The following CFH variants were observed in gnomAD, a reference collection of about 807,000 sequenced individuals.
CFH encodes the protein H factor 1 (complement).
In CFH, 53 loss-of-function variants were observed where a neutral mutation model predicts 147.3. That is an observed-to-expected ratio of 0.36 (90% confidence interval 0.29 to 0.45). CFH has a LOEUF of 0.45. Ranked by LOEUF, CFH falls within the 20% of genes least tolerant of loss-of-function variation. CFH has a pLI of 1.00. For missense variants in CFH, 1,380 were observed against 1,498.0 expected (o/e 0.92, Z 1.30); for synonymous variants, 536 against 489.4 (o/e 1.10, Z -1.26).
intron 1 of CFH, among the ~76,000 whole-genome samples, chr1:196,659,377 A>G (rs545319238): frequency 6.6e-5 from 10 of 152,154 alleles, no homozygotes; most frequent in East Asian, 1.9e-4. Context: ...CAAGCCCCCA[A>G]ATTGGGTCTT....
intron 14 of CFH, among the ~76,000 whole-genome samples, chr1:196,728,017 A>C (rs114541804): frequency 6.6e-6 from 1 of 152,238 alleles, no homozygotes; most frequent in African/African-American, 2.4e-5. Flanking sequence ...TTTTTCCTAA[A>C]GTTTTCCTGG....
chr1:196,713,963 AAAGTTTACTAACTTTAGTCTTTTTGT>A, intron 10 of CFH, 46 bp downstream of exon 10: 1 of 1,539,782 alleles, frequency 6.5e-7, no homozygotes, highest in Non-Finnish European at 9.0e-7. Flanking sequence ...ATGATACACA[AAAGTTTACTAACTTTAGTCTTTTTGT>A]GGGGGCTGAT....
chr1:196,671,838 C>G (rs1667292126), intron 1 of CFH, among the ~76,000 whole-genome samples: 1 of 148,878 alleles, frequency 6.7e-6, no homozygotes, highest in South Asian at 2.1e-4. Flanking sequence ...TATATATAAT[C>G]TTAAATGCTC....
intron 9 of CFH, chr1:196,701,441 T>A: frequency 1.3e-6 from 2 of 1,487,696 alleles, no homozygotes; most frequent in Non-Finnish European, 1.9e-6. Flanking sequence ...CTGAGTATGG[T>A]GACTAGTATC....
intron 15 of CFH, among the ~76,000 whole-genome samples, chr1:196,731,491 C>G (rs150644969): frequency 1.1e-4 from 17 of 152,052 alleles, no homozygotes; most frequent in African/African-American, 3.9e-4. Context: ...GCTGTTCTTA[C>G]CACTTTTGCC....
At chr1:196,693,733 G>A (rs1668148166) in intron 9 of CFH, among the ~76,000 whole-genome samples, 1 of 152,018 alleles carries the variant, frequency 6.6e-6, no homozygotes. Flanking sequence ...AATGGCATAG[G>A]ATTTCATCAC....
intron 7 of CFH, among the ~76,000 whole-genome samples, chr1:196,686,350 T>G (rs756447116): frequency 3.8e-4 from 58 of 152,174 alleles, no homozygotes; most frequent in Non-Finnish European, 5.7e-4. Context: ...GGGAGGAGTG[T>G]TGAAGGACTC....
intron 14 of CFH, among the ~76,000 whole-genome samples, 184 bp from the exon 15 acceptor site, chr1:196,728,162 G>A (rs1006193493): frequency 2.0e-5 from 3 of 152,006 alleles, no homozygotes; most frequent in African/African-American, 7.2e-5. Flanking sequence ...AGAATACAGG[G>A]CTTATATTTT....
chr1:196,686,742 C>G (rs973795363), intron 7 of CFH, among the ~76,000 whole-genome samples: 5 of 151,976 alleles, frequency 3.3e-5, no homozygotes, highest in African/African-American at 1.2e-4. Flanking sequence ...TAGTTCAGCC[C>G]AAATGTATCT....
intron 9 of CFH, among the ~76,000 whole-genome samples, chr1:196,706,623 C>G (rs2149098765): frequency 6.6e-6 from 1 of 152,230 alleles, no homozygotes; most frequent in South Asian, 2.1e-4. Context: ...GTTCTGGTGC[C>G]CAAGTATCTT....
At chr1:196,658,972 G>T (rs567414293) in intron 1 of CFH, among the ~76,000 whole-genome samples, 1 of 152,152 alleles carries the variant, frequency 6.6e-6, no homozygotes, top group African/African-American at 2.4e-5. Context: ...ACTTGTAAAC[G>T]TAAGATGAAG....
In CFH at chr1:196,652,912, G is replaced by T. The variant is rs541409922; in HGVS notation, c.58+737G>T. On this transcript the variant is annotated intron_variant, in intron 1 of 21. Coordinates refer to ENST00000367429, the MANE Select transcript of CFH (RefSeq NM_000186.4). ...TTAATTATATCACTGCTTCTTGATA[G>T]ATTAAAAAGCTTATTCTTGGAGGAG... Among the ~76,000 whole-genome samples the T allele has an allele frequency of 2.0e-5, 3 of 151,868 alleles. No individual in the cohort carries two copies. The South Asian group carries it at 6.2e-4, about 32-fold the overall frequency.
In CFH at chr1:196,742,014, C is replaced by T. The variant is rs772194234; in HGVS notation, c.3096C>T (p.Cys1032=). Residue 1032 remains cysteine, a synonymous_variant, in exon 19 of 22, where the codon TGC becomes TGT. Coordinates refer to ENST00000367429, the MANE Select transcript of CFH (RefSeq NM_000186.4). ...TGGATGGAGCCAGTAATGTAACATG[C>T]ATTAATAGCAGATGGACAGGAAGGC... is the stretch of plus-strand genomic sequence containing the variant. ...YKMDGASNVT[C]INSRWTGRPT... is the part of the protein sequence containing the mutation. 15 of 1,613,984 alleles carry T rather than the reference C, an allele frequency of 9.3e-6. No individual in the cohort carries two copies. Among genetic ancestry groups the T allele is most frequent in the Non-Finnish European group, 1.1e-5 (13 of 1,180,014 alleles).
chr1:196,698,959 A>C (rs1408317467), intron 9 of CFH, among the ~76,000 whole-genome samples: 1 of 152,178 alleles, frequency 6.6e-6, no homozygotes, highest in African/African-American at 2.4e-5. Flanking sequence ...AAAACACATA[A>C]TTAACTCAAT....
At chr1:196,701,922 G>A (rs1273755607) in intron 9 of CFH, among the ~76,000 whole-genome samples, 1 of 152,096 alleles carries the variant, frequency 6.6e-6, no homozygotes, top group African/African-American at 2.4e-5. Context: ...GAGAACAGTG[G>A]CCACTGCATG....
At chr1:196,677,084 A>C (rs2149080434) in intron 4 of CFH, 1 of 170,624 alleles carries the variant, frequency 5.9e-6, no homozygotes, top group Admixed American at 5.7e-5. Context: ...TGATTTCTCT[A>C]TTGAAGTTAA....
intron 17 of CFH, among the ~76,000 whole-genome samples, chr1:196,740,129 C>A (rs552858795): frequency 1.3e-5 from 2 of 152,312 alleles, no homozygotes; most frequent in South Asian, 4.1e-4. Context: ...CCCACCAGGT[C>A]CCATCCACAA....
intron 4 of CFH, chr1:196,677,117 T>C (rs1667482126): frequency 5.7e-6 from 1 of 174,096 alleles, no homozygotes; most frequent in Admixed American, 5.7e-5. Flanking sequence ...TGCTTTTACA[T>C]CTTTTAGGAA....
Position 196,728,529 on chromosome 1 carries a change from T to A in CFH, c.2413+7T>A. On this transcript the variant is annotated splice_region_variant and intron_variant, in intron 15 of 21. Transcript: ENST00000367429. ...CCAGAAGTGAACTGCTCAAGTAAGCTCTTATTTTGTTTTCAGAAATGTATT... is the reference window on the plus strand; with the variant it reads ...CCAGAAGTGAACTGCTCAAGTAAGCACTTATTTTGTTTTCAGAAATGTATT... 6.2e-7 allele frequency: 1 copy of A among 1,611,930 alleles called. No individual in the cohort carries two copies. Among genetic ancestry groups the A allele is most frequent in the South Asian group, 1.1e-5 (1 of 91,050 alleles).
Sources: gnomAD v4.1 joint callset for allele counts (sites outside exome capture counted in the v4.1 genomes callset) on GRCh38, gnomAD v4.1.1 for gene constraint, MANE v1.5 for transcripts, NCBI Gene and HGNC (gene_info 2026-07-23, HGNC 2026-07-21) for gene names.